MRAP2: variants seen among roughly 807,000 people sequenced by gnomAD.
MRAP2 encodes melanocortin-2 receptor accessory protein 2.
A neutral mutation model predicts 17.4 loss-of-function variants in MRAP2; 20 were observed. The observed-to-expected ratio is 1.15, with a 90% confidence interval of 0.81 to 1.67. The LOEUF (loss-of-function observed/expected upper bound fraction) is 1.67. Among genes scored for constraint, MRAP2 ranks in the 40% most tolerant of loss-of-function variants. MRAP2 has a pLI of 0.00. For synonymous variants in MRAP2, 96 were observed against 88.4 expected (o/e 1.09, Z -0.48); for missense variants, 238 against 240.0 (o/e 0.99, Z 0.05).
the MRAP2 span, among the ~76,000 whole-genome samples, chr6:84,101,605 A>C: frequency 3.2e-4 from 48 of 152,310 alleles, no homozygotes; most frequent in Admixed American, 1.2e-3. Flanking sequence ...GATTATATGA[A>C]TCCTGTTTAT....
intron 1 of MRAP2, among the ~76,000 whole-genome samples, chr6:84,041,798 A>G (rs902376694): frequency 6.6e-6 from 1 of 152,234 alleles, no homozygotes; most frequent in Non-Finnish European, 1.5e-5. Flanking sequence ...CTAGGAAGTA[A>G]CTAACTTGTT....
chr6:84,125,148 A>G, the MRAP2 span: 6 of 1,613,458 alleles, frequency 3.7e-6, no homozygotes, highest in Non-Finnish European at 5.1e-6. Flanking sequence ...CTCGGAGAAC[A>G]TCTAATATTG....
intron 2 of MRAP2, chr6:84,062,641 T>C (rs2099493451): frequency 1.0e-6 from 1 of 983,366 alleles, no homozygotes; most frequent in African/African-American, 1.7e-5. Context: ...GTTCCTTCCT[T>C]GAGATATGGA....
intron 3 of MRAP2, among the ~76,000 whole-genome samples, chr6:84,082,663 C>T (rs986024476): frequency 5.3e-5 from 8 of 152,180 alleles, no homozygotes; most frequent in South Asian, 4.2e-4. Flanking sequence ...AGGCTGATCT[C>T]GAACTTCAGA....
At chr6:84,120,207 G>A in the MRAP2 span, among the ~76,000 whole-genome samples, 2 of 152,152 alleles carry the variant, frequency 1.3e-5, no homozygotes, top group Non-Finnish European at 2.9e-5. Context: ...CTGCCTTTTT[G>A]TTCTATATAG....
the MRAP2 span, among the ~76,000 whole-genome samples, chr6:84,127,216 A>G: frequency 6.6e-6 from 1 of 152,210 alleles, no homozygotes; most frequent in African/African-American, 2.4e-5. Context: ...AACAAGAATC[A>G]GATTTTGCTA....
At position 84,090,783 on chromosome 6, in the gene MRAP2, G is replaced by A. The variant is rs1383946696; in HGVS notation, c.*1302G>A. 6.6e-6 allele frequency: 1 copy of A among 152,202 alleles called. No individual in the cohort carries two copies. Among genetic ancestry groups the A allele is most frequent in the Non-Finnish European group, 1.5e-5 (1 of 68,032 alleles). The allele number at this position is 152,202 out of a possible 1,614,324, so 9.4% of individuals were successfully genotyped here. The stretch of plus-strand genomic sequence containing the variant: ...ACAACTTGATTTTGCGCACACAGTT[G>A]CATGCATGGCAAGCTGTTAACCTCT... On this transcript the variant is annotated 3_prime_UTR_variant, in exon 4 of 4. Coordinates refer to ENST00000257776, the MANE Select transcript of MRAP2 (RefSeq NM_138409.4).
intron 1 of MRAP2, among the ~76,000 whole-genome samples, chr6:84,047,877 T>C (rs2099489445): frequency 6.6e-6 from 1 of 152,236 alleles, no homozygotes; most frequent in Non-Finnish European, 1.5e-5. Flanking sequence ...CATGCAATAT[T>C]TGTCCCTTTG....
Position 84,075,888 on chromosome 6 carries a change from T to A in MRAP2, c.227+12896T>A, listed in dbSNP as rs147356956. 4.3e-4 allele frequency among the ~76,000 whole-genome samples: 65 copies of A among 152,224 alleles called. No homozygotes were observed. In the East Asian group the frequency reaches 0.01, roughly 24 times the overall value. ...GAAGTAAAGACTAACAACAGGGAAATGTCATTGTTCAAAAGTTTTGATATT... is the reference window on the plus strand; with the variant it reads ...GAAGTAAAGACTAACAACAGGGAAAAGTCATTGTTCAAAAGTTTTGATATT... On this transcript the variant is annotated intron_variant, in intron 3 of 3. Coordinates refer to ENST00000257776, the MANE Select transcript of MRAP2 (RefSeq NM_138409.4).
rs143918087 is a variant in MRAP2 at position 84,070,191 on chromosome 6, C to T, written c.227+7199C>T. 5.9e-3 allele frequency among the ~76,000 whole-genome samples: 893 copies of T among 152,026 alleles called. 5 individuals carry two copies. The highest frequency in any genetic ancestry group is 0.021 in the African/African-American group (861 of 41,484). ...TCCTTGAGATGTGACCTTAGACTGTCAGTTTGTGCTCTTTCAGTCTTTTCG... is the reference window on the plus strand; with the variant it reads ...TCCTTGAGATGTGACCTTAGACTGTTAGTTTGTGCTCTTTCAGTCTTTTCG... On this transcript the variant is annotated intron_variant, in intron 3 of 3. Coordinates refer to ENST00000257776, the MANE Select transcript of MRAP2 (RefSeq NM_138409.4).
Position 84,076,571 on chromosome 6 carries a change from G to T in MRAP2, c.228-12520G>T, listed in dbSNP as rs1415657451. Among the ~76,000 whole-genome samples the T allele has an allele frequency of 3.3e-5, 5 of 152,134 alleles. No individual in the cohort carries two copies. In the East Asian group the frequency reaches 9.7e-4, roughly 30 times the overall value. On this transcript the variant is annotated intron_variant, in intron 3 of 3. Transcript: ENST00000257776. Reference sequence around the variant, plus strand: ...GACAGGGTTTCACCACGTTGCCCAGGCTGGTCCCAAACTCCTGGCCTCAAG... The same window carrying T: ...GACAGGGTTTCACCACGTTGCCCAGTCTGGTCCCAAACTCCTGGCCTCAAG...
At chr6:84,125,285 A>G in the MRAP2 span, 1 of 1,611,344 alleles carries the variant, frequency 6.2e-7, no homozygotes, top group Non-Finnish European at 8.5e-7. Context: ...ATCTGCAAAT[A>G]CAAAAATTCC....
Position 84,041,173 on chromosome 6 carries a change from G to A in MRAP2, c.-8+7290G>A, listed in dbSNP as rs6941805. ...AAGGGGCCAAGGTATAGCTCAGGCT[G>A]TAGTTTCAAAGGGTTTAAGCCCCAA... On this transcript the variant is annotated intron_variant, in intron 1 of 3. Coordinates refer to ENST00000257776, the MANE Select transcript of MRAP2 (RefSeq NM_138409.4). 6.4e-3 allele frequency among the ~76,000 whole-genome samples: 977 copies of A among 152,362 alleles called. 16 individuals are homozygous for A. Among genetic ancestry groups the A allele is most frequent in the African/African-American group, 0.022 (914 of 41,578 alleles).
At chr6:84,093,324 A>T (rs116923768), downstream of MRAP2, among the ~76,000 whole-genome samples, 1,753 of 152,256 alleles carry the variant, frequency 0.012, 24 homozygotes, top group Middle Eastern at 0.027. Flanking sequence ...AACTTGACTC[A>T]CCGAGGCACC....
the MRAP2 span, among the ~76,000 whole-genome samples, chr6:84,126,869 G>A: frequency 6.6e-6 from 1 of 152,102 alleles, no homozygotes; most frequent in Non-Finnish European, 1.5e-5. Context: ...TACATTTAAA[G>A]CACTCAACAT....
chr6:84,117,651 C>CTGTGTGTGTG, the MRAP2 span, among the ~76,000 whole-genome samples: 21 of 105,138 alleles, frequency 2.0e-4, no homozygotes, highest in East Asian at 6.4e-4. Flanking sequence ...GGGTGTGTGT[C>CTGTGTGTGTG]TGTGTGTGTG....
chr6:84,038,937 G>T (rs1187754409), intron 1 of MRAP2, among the ~76,000 whole-genome samples: 1 of 152,220 alleles, frequency 6.6e-6, no homozygotes, highest in Non-Finnish European at 1.5e-5. Flanking sequence ...ATTTGAGCAG[G>T]CCCCACAAGT....
intron 3 of MRAP2, among the ~76,000 whole-genome samples, chr6:84,087,729 A>T (rs1356596403): frequency 6.6e-6 from 1 of 152,192 alleles, no homozygotes; most frequent in African/African-American, 2.4e-5. Context: ...TCTTGCATAA[A>T]CCCTTGACGT....
the MRAP2 span, among the ~76,000 whole-genome samples, chr6:84,107,883 C>T: frequency 2.0e-5 from 3 of 152,248 alleles, no homozygotes; most frequent in Non-Finnish European, 4.4e-5. Flanking sequence ...ATTAGAGTCA[C>T]TACTTGGTTA....
Sources: gnomAD v4.1 joint callset for allele counts (sites outside exome capture counted in the v4.1 genomes callset) on GRCh38, gnomAD v4.1.1 for gene constraint, MANE v1.5 for transcripts, NCBI Gene and HGNC (gene_info 2026-07-23, HGNC 2026-07-21) for gene names.